RANBP2: variants seen among roughly 807,000 people sequenced by gnomAD.
RANBP2 encodes the protein E3 SUMO-protein ligase RanBP2.
Under a neutral mutation model 303.6 loss-of-function variants are expected in RANBP2, and 57 were observed. The ratio of observed to expected loss-of-function variants is 0.19; its 90% CI spans 0.15 to 0.23. The LOEUF (loss-of-function observed/expected upper bound fraction) is 0.23, where lower values mean the gene tolerates loss of function less well. RANBP2 is among the 10% of genes least tolerant of loss of function. The probability of loss-of-function intolerance (pLI) is 1.00; values close to 1 mark genes in which losing one functional copy is unlikely to be tolerated. For missense variants in RANBP2, 3,138 were observed against 3,780.8 expected (o/e 0.83, Z 4.46); for synonymous variants, 1,167 against 1,301.5 (o/e 0.90, Z 2.23).
At chr2:109,719,675 G>C in the RANBP2 span, among the ~76,000 whole-genome samples, 25,254 of 152,036 alleles carry the variant, frequency 0.17, 2,646 homozygotes, top group East Asian at 0.3. Context: ...AAAGTACTGG[G>C]ATGACAGGTG....
rs1366755159 is a variant in RANBP2, at chr2:108,763,495, A to T, written c.2956A>T (p.Ile986Phe). The change falls in exon 20 of 29, where the codon ATT (isoleucine) becomes TTT (phenylalanine). Residue 986 changes from isoleucine to phenylalanine, a missense_variant. This residue lies in a region of RANBP2 where 403 missense variants were observed against 376.7 expected (regional missense o/e 1.07). Coordinates refer to ENST00000283195, the MANE Select transcript of RANBP2 (RefSeq NM_006267.5). ...PEPGYFTKPP[I>F]AAHASRSAES... The stretch of plus-strand genomic sequence containing the variant: ...ACCAGGATATTTCACAAAACCTCCG[A>T]TTGCAGCTCATGCTTCAAGATCTGC... The T allele has an allele frequency of 6.2e-7, 1 of 1,614,136 alleles. No individual in the cohort carries two copies. The highest frequency in any genetic ancestry group is 1.1e-5 in the South Asian group (1 of 91,082).
chr2:109,418,510 C>G, the RANBP2 span, among the ~76,000 whole-genome samples: 2 of 152,118 alleles, frequency 1.3e-5, no homozygotes, highest in Non-Finnish European at 2.9e-5. Context: ...CTTGTGGATG[C>G]ATCACTCCTG....
the RANBP2 span, chr2:108,856,910 T>C: frequency 6.2e-7 from 1 of 1,613,296 alleles, no homozygotes; most frequent in Non-Finnish European, 8.5e-7. Context: ...TCTAAGAATA[T>C]CCAGTAAAGG....
chr2:109,462,820 A>G, the RANBP2 span, among the ~76,000 whole-genome samples: 1 of 152,178 alleles, frequency 6.6e-6, no homozygotes, highest in African/African-American at 2.4e-5. Context: ...GACATGAGAT[A>G]AAACTCCACT....
At chr2:108,743,306 G>C (rs1573742815) in intron 7 of RANBP2, among the ~76,000 whole-genome samples, 1 of 152,154 alleles carries the variant, frequency 6.6e-6, no homozygotes, top group East Asian at 1.9e-4. Context: ...AGAGTCTCTT[G>C]TTGCTCTGGC....
intron 8 of RANBP2, among the ~76,000 whole-genome samples, chr2:108,747,594 T>C (rs1696614392): frequency 6.6e-6 from 1 of 152,338 alleles, no homozygotes; most frequent in South Asian, 2.1e-4. Flanking sequence ...TTTTCTCTTT[T>C]CCTTCTACCC....
At chr2:109,588,675 G>C in the RANBP2 span, among the ~76,000 whole-genome samples, 315 of 149,916 alleles carry the variant, frequency 2.1e-3, no homozygotes, top group African/African-American at 6.8e-3. Flanking sequence ...ATTTTTAATA[G>C]AGATGGGGTT....
chr2:109,032,653 T>C, the RANBP2 span, among the ~76,000 whole-genome samples: 25 of 152,190 alleles, frequency 1.6e-4, no homozygotes, highest in Admixed American at 2.6e-4. Flanking sequence ...ATGTGTCTTC[T>C]GGGATTTCAC....
Position 108,768,157 on chromosome 2 carries a change from G to C in RANBP2, c.7618G>C (p.Ala2540Pro). 6.2e-7 allele frequency: 1 copy of C among 1,612,034 alleles called. No individual in the cohort carries two copies. Residue 2540 changes from alanine to proline, a missense_variant, in exon 20 of 29, where the codon GCC becomes CCC. Ala to Pro is a conservative substitution (Grantham distance 27). Around this residue, in one of 20 missense-constraint regions of RANBP2, gnomAD observed 497 missense variants for 465.8 expected, o/e 1.07. Transcript: ENST00000283195. ...SKPFAFGNSSATGSLFGFSFN... is the reference protein window; with the variant it reads ...SKPFAFGNSSPTGSLFGFSFN... ...ACCATTTGCATTCGGCAACAGTTCA[G>C]CCACTGGGTCTTTGTTTGGATTTAG...
At chr2:109,283,544 C>T in the RANBP2 span, among the ~76,000 whole-genome samples, 8 of 152,114 alleles carry the variant, frequency 5.3e-5, no homozygotes, top group African/African-American at 1.4e-4. Context: ...CACCCAGGGC[C>T]GAGGTAAGAT....
At chr2:109,509,070 G>A in the RANBP2 span, among the ~76,000 whole-genome samples, 11 of 152,298 alleles carry the variant, frequency 7.2e-5, no homozygotes, top group Admixed American at 3.3e-4. Context: ...GTGCCCATCC[G>A]TCAGGGTCAC....
the RANBP2 span, among the ~76,000 whole-genome samples, chr2:109,495,671 T>C: frequency 6.6e-6 from 1 of 151,888 alleles, no homozygotes. Context: ...TTTGTATTTT[T>C]AGTAGAGACG....
chr2:109,432,636 G>A, the RANBP2 span: 1 of 1,612,832 alleles, frequency 6.2e-7, no homozygotes, highest in Non-Finnish European at 8.5e-7. Flanking sequence ...GGGTCTCTGG[G>A]GTGTTCCCCG....
the RANBP2 span, among the ~76,000 whole-genome samples, chr2:109,372,289 A>G: frequency 6.6e-6 from 1 of 152,186 alleles, no homozygotes. Context: ...CTGTGCAGAA[A>G]GCATCTTAAC....
chr2:109,608,949 G>A, the RANBP2 span, among the ~76,000 whole-genome samples: 2 of 152,290 alleles, frequency 1.3e-5, no homozygotes, highest in African/African-American at 2.4e-5. Flanking sequence ...TTGAAAGCAA[G>A]GGTCCTGTAT....
At chr2:108,744,143 C>G (rs1220129217) in intron 7 of RANBP2, among the ~76,000 whole-genome samples, 2 of 152,194 alleles carry the variant, frequency 1.3e-5, no homozygotes, top group African/African-American at 4.8e-5. Context: ...GTGGCTCACG[C>G]CTATGATCTT....
chr2:108,767,330 C>T lies in RANBP2; in HGVS notation c.6791C>T (p.Thr2264Ile), dbSNP rs771911715. The stretch of plus-strand genomic sequence containing the variant: ...AATCTTTTCCGTTTTGGTGAGTCAA[C>T]AACAGGATTTAACTTCAGTTTTAAA... ...RKNLFRFGES[T>I]TGFNFSFKSA... Residue 2264 changes from threonine to isoleucine, a missense_variant, in exon 20 of 29, where the codon ACA becomes ATA. Physicochemically the swap from Thr to Ile is moderately conservative, Grantham distance 89 (BLOSUM62 -1). This residue lies in a region of RANBP2 where 72 missense variants were observed against 86.8 expected (regional missense o/e 0.83). Transcript: ENST00000283195. The T allele has an allele frequency of 6.2e-7, 1 of 1,611,930 alleles. No individual in the cohort carries two copies. Among genetic ancestry groups the T allele is most frequent in the African/African-American group, 1.3e-5 (1 of 74,848 alleles).
chr2:109,060,914 G>T, the RANBP2 span, among the ~76,000 whole-genome samples: 1 of 152,070 alleles, frequency 6.6e-6, no homozygotes, highest in East Asian at 1.9e-4. Context: ...TTTAGAAAAA[G>T]TCAAAAGAAA....
At chr2:109,025,443 A>G in the RANBP2 span, among the ~76,000 whole-genome samples, 1 of 152,232 alleles carries the variant, frequency 6.6e-6, no homozygotes, top group Non-Finnish European at 1.5e-5. Flanking sequence ...AGTAGTAAAG[A>G]TATGATTTAT....
Sources: gnomAD v4.1 joint callset for allele counts (sites outside exome capture counted in the v4.1 genomes callset) on GRCh38, gnomAD v4.1.1 for gene constraint, gnomAD v4.1.1 regional missense constraint, MANE v1.5 for transcripts, NCBI Gene and HGNC (gene_info 2026-07-23, HGNC 2026-07-21) for gene names.